Variants in GRM7 observed in about 807,000 individuals in gnomAD.
GRM7 encodes metabotropic glutamate receptor 7.
Under a neutral mutation model 84.5 loss-of-function variants are expected in GRM7, and 35 were observed. That is an observed-to-expected ratio of 0.41 (90% CI 0.32 to 0.55). The LOEUF (loss-of-function observed/expected upper bound fraction) is 0.55. Among genes scored for constraint, GRM7 ranks in the 20% least tolerant of loss-of-function variants. The pLI is 0.19. For missense variants in GRM7, 1,003 were observed against 1,194.6 expected (o/e 0.84, Z 2.36); for synonymous variants, 487 against 455.1 (o/e 1.07, Z -0.89).
At chr3:7,549,688 G>C (rs1305596120) in intron 7 of GRM7, among the ~76,000 whole-genome samples, 1 of 152,228 alleles carries the variant, frequency 6.6e-6, no homozygotes, top group Non-Finnish European at 1.5e-5. Context: ...ACTAGCCAGA[G>C]TCCATGCTCT....
chr3:7,330,651 A>G (rs933766786), intron 4 of GRM7, among the ~76,000 whole-genome samples: 4 of 152,170 alleles, frequency 2.6e-5, no homozygotes, highest in African/African-American at 9.6e-5. Flanking sequence ...GGCTGTCATT[A>G]TCTCCTGCCT....
intron 7 of GRM7, among the ~76,000 whole-genome samples, chr3:7,554,638 C>G (rs941101102): frequency 6.6e-6 from 1 of 152,158 alleles, no homozygotes; most frequent in Non-Finnish European, 1.5e-5. Flanking sequence ...CTAGTGTGGG[C>G]AGACAGTAGG....
chr3:7,626,638 A>G (rs970752653), intron 8 of GRM7, among the ~76,000 whole-genome samples: 3 of 152,288 alleles, frequency 2.0e-5, no homozygotes, highest in Middle Eastern at 3.4e-3. Flanking sequence ...CTGCCATCGC[A>G]TAGTGGTGAT....
rs566010521 is a variant in GRM7, at chr3:7,730,084, A to G, written c.2699-10273A>G. Among the ~76,000 whole-genome samples the G allele has an allele frequency of 4.2e-4, 62 of 148,646 alleles. No individual in the cohort carries two copies. The South Asian group carries it at 0.012, about 30-fold the overall frequency. On this transcript the variant is annotated intron_variant, in intron 9 of 9. Coordinates refer to ENST00000357716, the MANE Select transcript of GRM7 (RefSeq NM_000844.4). The stretch of plus-strand genomic sequence containing the variant: ...GAGACAGGGTTTCACCATGTTGGAC[A>G]GGCTGGTTTCGATCTGTTGACCTTA...
chr3:7,695,353 G>C (rs1396571072), intron 9 of GRM7, among the ~76,000 whole-genome samples: 1 of 152,156 alleles, frequency 6.6e-6, no homozygotes, highest in African/African-American at 2.4e-5. Flanking sequence ...CAGCCACAAG[G>C]CCTGGCCTTT....
At position 7,634,493 on chromosome 3, in the gene GRM7, A is replaced by AAAAC. The variant is rs1327425281; in HGVS notation, c.2452-45553_2452-45552insCAAA. On this transcript the variant is annotated intron_variant, in intron 8 of 9. Transcript: ENST00000357716. ...CACTTTTTTTCCAAAAAAAAAAAAA[A>AAAAC]AAAAAAAAAGGGCTGGGCTCCATGG... Among the ~76,000 whole-genome samples, 8 of 132,344 alleles carry AAAAC rather than the reference A, an allele frequency of 6.0e-5. 2 individuals carry two copies. Among genetic ancestry groups the AAAAC allele is most frequent in the African/African-American group, 2.0e-4 (7 of 35,736 alleles). The allele number at this position is 132,344 out of a possible 152,430, so 86.8% of individuals were successfully genotyped here.
intron 2 of GRM7, among the ~76,000 whole-genome samples, chr3:7,255,895 G>T (rs1698177088): frequency 6.6e-6 from 1 of 152,088 alleles, no homozygotes; most frequent in Non-Finnish European, 1.5e-5. Flanking sequence ...CTTTCTCCAG[G>T]AAGTAGCACA....
At chr3:7,032,525 C>T (rs963864941) in intron 1 of GRM7, among the ~76,000 whole-genome samples, 1 of 152,088 alleles carries the variant, frequency 6.6e-6, no homozygotes, top group South Asian at 2.1e-4. Context: ...GGAGACGGAT[C>T]CTCTCTTCTT....
intron 1 of GRM7, among the ~76,000 whole-genome samples, chr3:6,890,310 G>T (rs922777701): frequency 9.9e-5 from 15 of 152,100 alleles, no homozygotes; most frequent in African/African-American, 3.1e-4. Context: ...TCTAGTTCTT[G>T]TAATTGTGAT....
intron 1 of GRM7, among the ~76,000 whole-genome samples, chr3:6,865,512 T>C (rs565714533): frequency 1.7e-4 from 26 of 151,726 alleles, no homozygotes; most frequent in Non-Finnish European, 3.7e-4. Context: ...CTCTACACTA[T>C]AGACTTGGAA....
Position 7,014,412 on chromosome 3 carries a change from C to T in GRM7, c.520-132040C>T, listed in dbSNP as rs141824030. 1.1e-3 allele frequency among the ~76,000 whole-genome samples: 166 copies of T among 152,178 alleles called. 2 individuals carry two copies. Among genetic ancestry groups the T allele is most frequent in the African/African-American group, 3.7e-3 (155 of 41,514 alleles). On this transcript the variant is annotated intron_variant, in intron 1 of 9. Coordinates refer to ENST00000357716, the MANE Select transcript of GRM7 (RefSeq NM_000844.4). ...CTAAAGTGCAGTGGTGCAATGTCAGCTCACTGCAACCTCAGCCTCCAGAGT... is the reference window on the plus strand; with the variant it reads ...CTAAAGTGCAGTGGTGCAATGTCAGTTCACTGCAACCTCAGCCTCCAGAGT...
chr3:7,194,396 A>G (rs2125108026), intron 2 of GRM7, among the ~76,000 whole-genome samples: 1 of 152,342 alleles, frequency 6.6e-6, no homozygotes, highest in South Asian at 2.1e-4. Context: ...TACAGGGGTC[A>G]TTACTAAAAC....
chr3:7,220,327 G>A (rs6797852), intron 2 of GRM7, among the ~76,000 whole-genome samples: 122,682 of 152,172 alleles, frequency 0.81, 49,848 homozygotes, highest in Non-Finnish European at 0.86. Flanking sequence ...TTATGTTGAT[G>A]CTACATTCCC....
At chr3:7,563,703 C>T (rs113154180) in intron 7 of GRM7, among the ~76,000 whole-genome samples, 20,204 of 152,036 alleles carry the variant, frequency 0.13, 1,469 homozygotes, top group African/African-American at 0.17. Flanking sequence ...AGTGGAGGTT[C>T]GGGGGTCTGC....
At chr3:6,961,059 G>A (rs73126748) in intron 1 of GRM7, among the ~76,000 whole-genome samples, 2,149 of 152,140 alleles carry the variant, frequency 0.014, 43 homozygotes, top group African/African-American at 0.048. Flanking sequence ...CTGATCGTTT[G>A]CCCAAAATCC....
At chr3:7,662,269 G>A (rs188341928) in intron 8 of GRM7, among the ~76,000 whole-genome samples, 2 of 152,244 alleles carry the variant, frequency 1.3e-5, no homozygotes, top group Admixed American at 6.5e-5. Flanking sequence ...AATACAAAGA[G>A]GAATAAGGAA....
chr3:6,912,196 A>G (rs1269239559), intron 1 of GRM7, among the ~76,000 whole-genome samples: 1 of 152,194 alleles, frequency 6.6e-6, no homozygotes, highest in Non-Finnish European at 1.5e-5. Context: ...GAATTTTATA[A>G]TTAGTGAAAT....
In GRM7 at chr3:6,862,418, C is replaced by A. The variant is rs935009335; in HGVS notation, c.519+511C>A. On this transcript the variant is annotated intron_variant, in intron 1 of 9. Transcript: ENST00000357716. The surrounding 1 kb of genome is among the most constrained non-coding windows in gnomAD (Gnocchi z 5.2). The stretch of plus-strand genomic sequence containing the variant: ...GAGGCACTTCTTAAATCGAGGGCTC[C>A]GTCTTAACCTAGATGTGGATGTTAA... 3.3e-5 allele frequency among the ~76,000 whole-genome samples: 5 copies of A among 152,046 alleles called. No homozygotes were observed. The highest frequency in any genetic ancestry group is 6.5e-5 in the Admixed American group (1 of 15,274).
intron 2 of GRM7, among the ~76,000 whole-genome samples, chr3:7,177,565 G>A (rs1315546998): frequency 6.6e-6 from 1 of 150,848 alleles, no homozygotes; most frequent in Non-Finnish European, 1.5e-5. Context: ...AGGGAGGAAA[G>A]GAAGGAAGGC....
Sources: gnomAD v4.1 joint callset for allele counts (sites outside exome capture counted in the v4.1 genomes callset) on GRCh38, gnomAD v4.1.1 for gene constraint, Gnocchi (gnomAD v3.1) non-coding constraint, MANE v1.5 for transcripts, NCBI Gene and HGNC (gene_info 2026-07-23, HGNC 2026-07-21) for gene names.